Variants in ZFPM2 observed in about 807,000 individuals in gnomAD.
The protein encoded by ZFPM2 is zinc finger protein, FOG family member 2.
Under a neutral mutation model 98.6 loss-of-function variants are expected in ZFPM2, and 20 were observed. The ratio of observed to expected loss-of-function variants is 0.20; its 90% confidence interval spans 0.14 to 0.29. ZFPM2 has a LOEUF of 0.29. Ranked by LOEUF, ZFPM2 falls within the 10% of genes least tolerant of loss-of-function variation. The pLI, the probability that ZFPM2 is intolerant of heterozygous loss-of-function variation, is 1.00. For missense variants in ZFPM2, 1,310 were observed against 1,388.6 expected (o/e 0.94, Z 0.90); for synonymous variants, 518 against 502.7 (o/e 1.03, Z -0.41).
intron 2 of ZFPM2, among the ~76,000 whole-genome samples, chr8:105,421,244 A>AT (rs942882990): frequency 2.0e-5 from 3 of 152,058 alleles, no homozygotes; most frequent in Non-Finnish European, 2.9e-5. Flanking sequence ...ATTATTATTA[A>AT]TTTTTTTATA....
chr8:105,446,913 G>T (rs1274461971), intron 3 of ZFPM2, among the ~76,000 whole-genome samples: 1 of 151,992 alleles, frequency 6.6e-6, no homozygotes, highest in African/African-American at 2.4e-5. Flanking sequence ...CTTTAATCAG[G>T]AGATTAGGGA....
chr8:105,480,504 T>G (rs566196267), intron 3 of ZFPM2, among the ~76,000 whole-genome samples: 1 of 152,316 alleles, frequency 6.6e-6, no homozygotes, highest in African/African-American at 2.4e-5. Flanking sequence ...TGCAAGCAAT[T>G]TCTACTCTTT....
At chr8:105,638,129 G>A (rs1816884346) in intron 5 of ZFPM2, among the ~76,000 whole-genome samples, 1 of 152,018 alleles carries the variant, frequency 6.6e-6, no homozygotes, top group Non-Finnish European at 1.5e-5. Context: ...TCTCAGATAA[G>A]TAGTGGCAAG....
chr8:105,489,468 T>TA (rs1563682484), intron 3 of ZFPM2, among the ~76,000 whole-genome samples: 942 of 52,358 alleles, frequency 0.018, 4 homozygotes, highest in African/African-American at 0.054. Context: ...ATATATATAT[T>TA]TTTTTTTTTT....
chr8:105,623,083 A>T (rs899246686), intron 4 of ZFPM2, among the ~76,000 whole-genome samples: 2 of 152,214 alleles, frequency 1.3e-5, no homozygotes, highest in East Asian at 3.8e-4. Flanking sequence ...TTCTGTTACT[A>T]AAATGTCTCA....
At chr8:105,516,958 C>T (rs1586430229) in intron 3 of ZFPM2, among the ~76,000 whole-genome samples, 1 of 152,320 alleles carries the variant, frequency 6.6e-6, no homozygotes, top group East Asian at 1.9e-4. Context: ...AGCTCTTGCT[C>T]TAACCATAGT....
At chr8:105,488,123 A>G (rs145862604) in intron 3 of ZFPM2, among the ~76,000 whole-genome samples, 152 of 152,338 alleles carry the variant, frequency 1.0e-3, no homozygotes, top group Non-Finnish European at 1.8e-3. Flanking sequence ...TTGACACATC[A>G]TAATCAATCG....
chr8:105,772,115 A>T (rs1310892852), intron 5 of ZFPM2, among the ~76,000 whole-genome samples: 3 of 152,146 alleles, frequency 2.0e-5, no homozygotes, highest in Non-Finnish European at 4.4e-5. Context: ...AAATTCAACA[A>T]CTGAAACCTT....
chr8:105,366,806 A>G (rs1379747765), intron 1 of ZFPM2, among the ~76,000 whole-genome samples: 1 of 151,482 alleles, frequency 6.6e-6, no homozygotes, highest in Non-Finnish European at 1.5e-5. Flanking sequence ...GCCCATGCCT[A>G]TGTCCTGAAT....
chr8:105,463,367 A>C (rs1586390849), intron 3 of ZFPM2, among the ~76,000 whole-genome samples: 1 of 151,908 alleles, frequency 6.6e-6, no homozygotes, highest in South Asian at 2.1e-4. Flanking sequence ...ATAGTTTATA[A>C]AAATACATTA....
chr8:105,719,854 G>A (rs1049547145), intron 5 of ZFPM2, among the ~76,000 whole-genome samples: 1 of 151,814 alleles, frequency 6.6e-6, no homozygotes, highest in Non-Finnish European at 1.5e-5. Flanking sequence ...GTCTTTTGTG[G>A]TTAATATTTT....
intron 3 of ZFPM2, among the ~76,000 whole-genome samples, chr8:105,478,020 A>G (rs1813044051): frequency 1.3e-5 from 2 of 152,184 alleles, no homozygotes; most frequent in African/African-American, 4.8e-5. Context: ...TCCAGGGGAA[A>G]TGAAATTTTT....
chr8:105,697,492 TGAG>T (rs933929798), intron 5 of ZFPM2, among the ~76,000 whole-genome samples: 29 of 152,186 alleles, frequency 1.9e-4, no homozygotes, highest in African/African-American at 7.0e-4. Context: ...TCAATTGCTA[TGAG>T]GAGCAAACAG....
intron 3 of ZFPM2, among the ~76,000 whole-genome samples, chr8:105,459,375 A>G (rs572041516): frequency 1.1e-4 from 17 of 152,112 alleles, no homozygotes; most frequent in Admixed American, 3.9e-4. Flanking sequence ...TGTCTAGGAA[A>G]TCTCTGAACC....
At chr8:105,341,469 A>T (rs1449969460) in intron 1 of ZFPM2, among the ~76,000 whole-genome samples, 2 of 151,856 alleles carry the variant, frequency 1.3e-5, no homozygotes, top group African/African-American at 4.8e-5. Context: ...ATATACTATT[A>T]CTGTAAGGTA....
At chr8:105,330,597 T>TAC (rs1457838183) in intron 1 of ZFPM2, among the ~76,000 whole-genome samples, 2 of 71,438 alleles carry the variant, frequency 2.8e-5, no homozygotes, top group African/African-American at 5.3e-5. Flanking sequence ...TATATATACA[T>TAC]ATATATATAT....
At chr8:105,553,098 A>G (rs1814901843) in intron 3 of ZFPM2, among the ~76,000 whole-genome samples, 1 of 152,070 alleles carries the variant, frequency 6.6e-6, no homozygotes, top group African/African-American at 2.4e-5. Context: ...GACGTGAACC[A>G]TTGTACCCAG....
chr8:105,651,834 A>T (rs940308499), intron 5 of ZFPM2, among the ~76,000 whole-genome samples: 1 of 152,192 alleles, frequency 6.6e-6, no homozygotes, highest in Non-Finnish European at 1.5e-5. Context: ...ATTGAGTTTC[A>T]GAAATTACTC....
intron 2 of ZFPM2, among the ~76,000 whole-genome samples, chr8:105,427,191 G>A (rs1474881034): frequency 6.6e-6 from 1 of 152,012 alleles, no homozygotes; most frequent in Admixed American, 6.6e-5. Context: ...TGATGGAATC[G>A]GAAGGTATAC....
Sources: gnomAD v4.1 joint callset for allele counts (sites outside exome capture counted in the v4.1 genomes callset) on GRCh38, gnomAD v4.1.1 for gene constraint, MANE v1.5 for transcripts, NCBI Gene and HGNC (gene_info 2026-07-23, HGNC 2026-07-21) for gene names.